The following LHFPL6 variants were observed in gnomAD, a reference collection of about 807,000 sequenced individuals.
The protein encoded by LHFPL6 is LHFPL tetraspan subfamily member 6, also known as LHFPL tetraspan subfamily member 6 protein.
A neutral mutation model predicts 20.6 loss-of-function variants in LHFPL6; 9 were observed. That is an observed-to-expected ratio of 0.44 (90% CI 0.26 to 0.76). The LOEUF is 0.76. Ranked by LOEUF, LHFPL6 falls within the 30% of genes least tolerant of loss-of-function variation. LHFPL6 has a pLI of 0.20. For missense variants in LHFPL6, 218 were observed against 253.5 expected (o/e 0.86, Z 0.95); for synonymous variants, 105 against 98.7 (o/e 1.06, Z -0.38).
At position 39,562,417 on chromosome 13, in the gene LHFPL6, C is replaced by CATATACATATATACATATATATACAT. The variant is rs1214743348; in HGVS notation, c.385+38414_385+38415insATGTATATATATGTATATATGTATAT. Reference sequence around the variant, plus strand: ...ATATATACATATATACACATATACACATATACATATATACATATATACATA... The same window carrying CATATACATATATACATATATATACAT: ...ATATATACATATATACACATATACACATATACATATATACATATATATACATATATACATATATACATATATACATA... On this transcript the variant is annotated intron_variant, in intron 2 of 3. Transcript: ENST00000379589. Among the ~76,000 whole-genome samples the CATATACATATATACATATATATACAT allele has an allele frequency of 2.1e-3, 123 of 57,882 alleles. 3 individuals carry two copies. The East Asian group carries it at 0.024, about 11-fold the overall frequency. The allele number at this position is 57,882 out of a possible 152,430, so 38.0% of individuals were successfully genotyped here. A position where few individuals can be genotyped will look rare whatever the true frequency, so the allele number is the denominator to read the frequency against.
chr13:39,502,878 T>C (rs1382421389), intron 2 of LHFPL6, among the ~76,000 whole-genome samples: 2 of 152,196 alleles, frequency 1.3e-5, no homozygotes, highest in East Asian at 3.9e-4. Context: ...TAAATTTGTA[T>C]TTATTATTGT....
chr13:39,488,406 C>G (rs9566439), intron 2 of LHFPL6, among the ~76,000 whole-genome samples: 2 of 151,996 alleles, frequency 1.3e-5, no homozygotes, highest in Non-Finnish European at 2.9e-5. Flanking sequence ...GTGAGCTCTG[C>G]GAACAGGTGA....
intron 2 of LHFPL6, among the ~76,000 whole-genome samples, chr13:39,507,044 G>A (rs906371601): frequency 6.6e-6 from 1 of 152,204 alleles, no homozygotes; most frequent in Admixed American, 6.5e-5. Flanking sequence ...TATAAAAGCT[G>A]TTCGGGTTAT....
chr13:39,404,779 C>T (rs1593299987), intron 2 of LHFPL6, among the ~76,000 whole-genome samples: 1 of 152,152 alleles, frequency 6.6e-6, no homozygotes, highest in South Asian at 2.1e-4. Flanking sequence ...CCCTATGCCT[C>T]CTAGATGGTG....
intron 2 of LHFPL6, among the ~76,000 whole-genome samples, chr13:39,445,955 T>G (rs977193116): frequency 1.3e-5 from 2 of 150,746 alleles, no homozygotes; most frequent in Admixed American, 6.6e-5. Flanking sequence ...CATTTTTCTC[T>G]CCACAAAAAA....
intron 3 of LHFPL6, among the ~76,000 whole-genome samples, chr13:39,370,459 C>T (rs1358853605): frequency 1.3e-5 from 2 of 152,194 alleles, no homozygotes; most frequent in Non-Finnish European, 2.9e-5. Flanking sequence ...GACATCATTG[C>T]TGCATTAACG....
At chr13:39,441,940 C>T (rs544322269) in intron 2 of LHFPL6, among the ~76,000 whole-genome samples, 1 of 151,500 alleles carries the variant, frequency 6.6e-6, no homozygotes, top group South Asian at 2.1e-4. Flanking sequence ...AGCGATTCTC[C>T]TGCCTCAGCC....
intron 2 of LHFPL6, among the ~76,000 whole-genome samples, chr13:39,480,799 T>G (rs1455421155): frequency 6.6e-6 from 1 of 152,172 alleles, no homozygotes; most frequent in Non-Finnish European, 1.5e-5. Flanking sequence ...CCAACAGTAT[T>G]GAAAGAACAA....
At chr13:39,465,589 T>C (rs998419333) in intron 2 of LHFPL6, among the ~76,000 whole-genome samples, 1 of 152,090 alleles carries the variant, frequency 6.6e-6, no homozygotes, top group Non-Finnish European at 1.5e-5. Context: ...GCGTTCAGAG[T>C]TGAGCATGTC....
At chr13:39,511,082 AG>A (rs762235522) in intron 2 of LHFPL6, among the ~76,000 whole-genome samples, 69 of 152,128 alleles carry the variant, frequency 4.5e-4, no homozygotes, top group Non-Finnish European at 6.6e-4. Flanking sequence ...CATGTTGGCC[AG>A]GCTGTTCTCA....
At chr13:39,484,326 A>G (rs12583864) in intron 2 of LHFPL6, among the ~76,000 whole-genome samples, 33,922 of 152,040 alleles carry the variant, frequency 0.22, 5,855 homozygotes, top group East Asian at 0.73. Flanking sequence ...TGCTCCAGTG[A>G]ATAGATGTCA....
At chr13:39,459,973 A>C (rs966225892) in intron 2 of LHFPL6, among the ~76,000 whole-genome samples, 13 of 152,210 alleles carry the variant, frequency 8.5e-5, no homozygotes, top group Non-Finnish European at 1.5e-4. Context: ...ATTATTACAA[A>C]GAATGTGGAG....
intron 2 of LHFPL6, among the ~76,000 whole-genome samples, chr13:39,466,656 T>C (rs1872813405): frequency 6.6e-6 from 1 of 152,202 alleles, no homozygotes; most frequent in Admixed American, 6.5e-5. Flanking sequence ...TACCTTCTCA[T>C]TTTATAGCAT....
intron 3 of LHFPL6, among the ~76,000 whole-genome samples, chr13:39,368,869 C>A (rs890669664): frequency 6.6e-6 from 1 of 152,134 alleles, no homozygotes; most frequent in Non-Finnish European, 1.5e-5. Context: ...GTCCACAGGT[C>A]TCAGGAATGA....
At chr13:39,498,024 C>T (rs1164185019) in intron 2 of LHFPL6, among the ~76,000 whole-genome samples, 1 of 152,122 alleles carries the variant, frequency 6.6e-6, no homozygotes, top group Non-Finnish European at 1.5e-5. Context: ...ATAAATTAAC[C>T]CCACCTAGAG....
chr13:39,536,863 C>T (rs554694625), intron 2 of LHFPL6, among the ~76,000 whole-genome samples: 2 of 152,196 alleles, frequency 1.3e-5, no homozygotes, highest in Non-Finnish European at 2.9e-5. Flanking sequence ...TCCTTTTAAG[C>T]AGTCATTTTT....
chr13:39,568,408 A>G (rs1028500663), intron 2 of LHFPL6, among the ~76,000 whole-genome samples: 1 of 152,180 alleles, frequency 6.6e-6, no homozygotes, highest in African/African-American at 2.4e-5. Flanking sequence ...CAGGACAATG[A>G]CCAATTCTGA....
intron 2 of LHFPL6, among the ~76,000 whole-genome samples, 197 bp from the exon 3 acceptor site, chr13:39,378,723 C>T (rs1240546888): frequency 6.6e-6 from 1 of 152,106 alleles, no homozygotes; most frequent in Non-Finnish European, 1.5e-5. Context: ...GAAAAAAAAA[C>T]TTGACAGCTC....
intron 2 of LHFPL6, among the ~76,000 whole-genome samples, chr13:39,497,963 G>A (rs1383298565): frequency 6.6e-6 from 1 of 152,088 alleles, no homozygotes; most frequent in East Asian, 1.9e-4. Context: ...GTATACACTT[G>A]TAAAGCTTTG....
Sources: allele counts gnomAD v4.1 joint callset (sites outside exome capture counted in the v4.1 genomes callset), GRCh38; gene constraint gnomAD v4.1.1; transcripts MANE v1.5; gene names NCBI Gene and HGNC (gene_info 2026-07-23, HGNC 2026-07-21).